Variants in STK4 observed in about 807,000 individuals in gnomAD.
The protein encoded by STK4 is serine/threonine-protein kinase 4.
A neutral mutation model predicts 64.9 loss-of-function variants in STK4; 30 were observed. The ratio of observed to expected loss-of-function variants is 0.46; its 90% CI spans 0.35 to 0.63. The LOEUF (loss-of-function observed/expected upper bound fraction) is 0.63, where lower values mean the gene tolerates loss of function less well. Ranked by LOEUF, STK4 falls within the 20% of genes least tolerant of loss-of-function variation. STK4 has a pLI of 0.01. For synonymous variants in STK4, 177 were observed against 199.0 expected (o/e 0.89, Z 0.93); for missense variants, 466 against 598.5 (o/e 0.78, Z 2.31).
At chr20:45,022,754 G>A (rs533748275) in intron 9 of STK4, among the ~76,000 whole-genome samples, 3 of 152,234 alleles carry the variant, frequency 2.0e-5, no homozygotes, top group Non-Finnish European at 4.4e-5. Flanking sequence ...AAAGAATGAC[G>A]CCCTTATGGT....
chr20:45,060,925 C>T (rs376524696), intron 10 of STK4, among the ~76,000 whole-genome samples: 3 of 152,180 alleles, frequency 2.0e-5, no homozygotes, highest in African/African-American at 7.2e-5. Flanking sequence ...ACTCCTCGAT[C>T]CTTACATGGG....
At chr20:45,059,490 T>G (rs1978802871) in intron 10 of STK4, among the ~76,000 whole-genome samples, 1 of 152,192 alleles carries the variant, frequency 6.6e-6, no homozygotes, top group East Asian at 1.9e-4. Flanking sequence ...CCAGGGTGAC[T>G]ACTGAGTGAC....
chr20:44,978,585 G>C lies in STK4; in HGVS notation c.245+14G>C. On this transcript the variant is annotated intron_variant, in intron 3 of 10. Transcript: ENST00000372806. ...GCAATGTGACAGGTAAAGGCATGTG[G>C]GCTTCCTTTGGGGAGAATGTGGTTT... 6.2e-7 allele frequency: 1 copy of C among 1,612,928 alleles called. No homozygotes were observed. The highest frequency in any genetic ancestry group is 8.5e-7 in the Non-Finnish European group (1 of 1,179,512).
At chr20:45,063,946 T>A (rs1979329549) in intron 10 of STK4, among the ~76,000 whole-genome samples, 1 of 151,976 alleles carries the variant, frequency 6.6e-6, no homozygotes, top group African/African-American at 2.4e-5. Flanking sequence ...TAGCTGGGAA[T>A]ACAGGCGCCC....
intron 9 of STK4, among the ~76,000 whole-genome samples, chr20:45,008,386 C>T (rs796367480): frequency 9.9e-5 from 15 of 152,090 alleles, no homozygotes; most frequent in Non-Finnish European, 7.4e-5. Context: ...GCTGCTTACA[C>T]GGATGGTTGC....
At chr20:45,064,902 T>C (rs1431544362) in intron 10 of STK4, among the ~76,000 whole-genome samples, 1 of 152,222 alleles carries the variant, frequency 6.6e-6, no homozygotes, top group African/African-American at 2.4e-5. Flanking sequence ...TGCAAACAGA[T>C]AGTTTGACTT....
intron 10 of STK4, among the ~76,000 whole-genome samples, chr20:45,072,914 A>G (rs972490437): frequency 1.2e-4 from 19 of 152,242 alleles, no homozygotes; most frequent in African/African-American, 4.6e-4. Flanking sequence ...CACATACTAT[A>G]TGAAGTTCTG....
rs991286513 is a variant in STK4, at chr20:45,067,388, T to C, written c.1306-7630T>C. Among the ~76,000 whole-genome samples, 14 of 152,166 alleles carry C rather than the reference T, an allele frequency of 9.2e-5. No individual in the cohort carries two copies. The East Asian group carries it at 2.7e-3, about 29-fold the overall frequency. On this transcript the variant is annotated intron_variant, in intron 10 of 10. Transcript: ENST00000372806. Reference sequence around the variant, plus strand: ...TGTGACTGTTCATATATGATACATATGGAATTGAAACTTGTCCTTAAAAGC... The same window carrying C: ...TGTGACTGTTCATATATGATACATACGGAATTGAAACTTGTCCTTAAAAGC...
At chr20:44,986,516 T>C in intron 4 of STK4, among the ~76,000 whole-genome samples, 1 of 152,232 alleles carries the variant, frequency 6.6e-6, no homozygotes, top group Non-Finnish European at 1.5e-5. Flanking sequence ...GACTGACTTT[T>C]ATTTTAAGTG....
chr20:45,007,917 T>A (rs2067978107), intron 9 of STK4: 1 of 246,236 alleles, frequency 4.1e-6, no homozygotes, highest in Non-Finnish European at 8.4e-6. Flanking sequence ...GTCTGCAATG[T>A]CTGTTATTCT....
chr20:44,998,838 A>G (rs368672362), intron 7 of STK4, among the ~76,000 whole-genome samples: 1 of 152,190 alleles, frequency 6.6e-6, no homozygotes, highest in East Asian at 1.9e-4. Flanking sequence ...TGGGAGGCTG[A>G]GGCAGGCGGA....
rs1271468836 is a variant in STK4, at chr20:45,076,532, T to G, written c.*1356T>G. On this transcript the variant is annotated 3_prime_UTR_variant, in exon 11 of 11. Coordinates refer to ENST00000372806, the MANE Select transcript of STK4 (RefSeq NM_006282.5). This position sits in a 1 kb window ranked among gnomAD's most constrained non-coding sequence, Gnocchi z 4.0. ...TGCCTTGGCTCTTCAGTAGATGACC[T>G]GGCTGTAAAGAGATTCCCTGGACGA... is the stretch of plus-strand genomic sequence containing the variant. 2.6e-5 allele frequency: 4 copies of G among 152,248 alleles called. No individual in the cohort carries two copies. The highest frequency in any genetic ancestry group is 5.9e-5 in the Non-Finnish European group (4 of 68,054). The allele number at this position is 152,248 out of a possible 1,614,324, so 9.4% of individuals were successfully genotyped here.
chr20:45,060,636 C>T (rs2145459096), intron 10 of STK4, among the ~76,000 whole-genome samples: 1 of 152,294 alleles, frequency 6.6e-6, no homozygotes, highest in East Asian at 1.9e-4. Context: ...CTCTAAGCCT[C>T]CAGTGTCTGC....
At chr20:44,981,084 G>GT (rs2067430341) in intron 3 of STK4, among the ~76,000 whole-genome samples, 1 of 152,100 alleles carries the variant, frequency 6.6e-6, no homozygotes, top group Non-Finnish European at 1.5e-5. Context: ...TGTAAACACA[G>GT]TATCTTCTCA....
intron 10 of STK4, among the ~76,000 whole-genome samples, chr20:45,033,573 T>C (rs773011842): frequency 4.0e-5 from 6 of 151,226 alleles, no homozygotes; most frequent in African/African-American, 1.5e-4. Flanking sequence ...TGAGTTACTA[T>C]GTTTTTTTTG....
intron 5 of STK4, among the ~76,000 whole-genome samples, chr20:44,990,523 G>A (rs1160846565): frequency 6.6e-6 from 1 of 152,060 alleles, no homozygotes; most frequent in Admixed American, 6.6e-5. Flanking sequence ...GTTTGGTTGT[G>A]AAACCTCCAG....
rs1980518404 is a variant in STK4, at chr20:45,076,404, C to T, written c.*1228C>T. 1 of 152,242 alleles carries T rather than the reference C, an allele frequency of 6.6e-6. No homozygotes were observed. Among genetic ancestry groups the T allele is most frequent in the Non-Finnish European group, 1.5e-5 (1 of 68,082 alleles). The allele number at this position is 152,242 out of a possible 1,614,324, so 9.4% of individuals were successfully genotyped here. On this transcript the variant is annotated 3_prime_UTR_variant, in exon 11 of 11. Coordinates refer to ENST00000372806, the MANE Select transcript of STK4 (RefSeq NM_006282.5). This position sits in a 1 kb window ranked among gnomAD's most constrained non-coding sequence, Gnocchi z 4.0. The stretch of plus-strand genomic sequence containing the variant: ...AGCTGAGACTAGAATTCAGGGTCCT[C>T]ACTCCCAGGCCACCGAACCATGCAG...
Position 44,990,454 on chromosome 20 carries a change from A to AT in STK4, c.525+3166dup, listed in dbSNP as rs968973996. Among the ~76,000 whole-genome samples, 7 of 150,256 alleles carry AT rather than the reference A, an allele frequency of 4.7e-5. No individual in the cohort carries two copies. The East Asian group carries it at 5.8e-4, about 13-fold the overall frequency. The stretch of plus-strand genomic sequence containing the variant: ...ATGTTGTTTTGTTAAAAAAAATGAG[A>AT]TTTTTTTTCCTTCACTAAAATAAAC... On this transcript the variant is annotated intron_variant, in intron 5 of 10. Coordinates refer to ENST00000372806, the MANE Select transcript of STK4 (RefSeq NM_006282.5).
At chr20:45,047,324 A>G (rs2068711808) in intron 10 of STK4, among the ~76,000 whole-genome samples, 1 of 152,220 alleles carries the variant, frequency 6.6e-6, no homozygotes, top group Non-Finnish European at 1.5e-5. Context: ...ATGATTAATA[A>G]AAGATAGACC....
Sources: allele counts gnomAD v4.1 joint callset (sites outside exome capture counted in the v4.1 genomes callset), GRCh38; gene constraint gnomAD v4.1.1; non-coding constraint Gnocchi (gnomAD v3.1); transcripts MANE v1.5; gene names NCBI Gene and HGNC (gene_info 2026-07-23, HGNC 2026-07-21).